TFAP2D: variants seen among roughly 807,000 people sequenced by gnomAD.
The protein encoded by TFAP2D is transcription factor AP-2 delta, also known as transcription factor AP-2-delta.
In TFAP2D, 9 loss-of-function variants were observed where a neutral mutation model predicts 43.6. That is an observed-to-expected ratio of 0.21 (90% CI 0.12 to 0.36). The LOEUF (loss-of-function observed/expected upper bound fraction) is 0.36, where lower values mean the gene tolerates loss of function less well. Ranked by LOEUF, TFAP2D falls within the 10% of genes least tolerant of loss-of-function variation. TFAP2D has a pLI of 1.00. For synonymous variants in TFAP2D, 256 were observed against 224.9 expected (o/e 1.14, Z -1.24); for missense variants, 513 against 561.4 (o/e 0.91, Z 0.87).
chr6:50,740,423 T>TTTTG lies in TFAP2D; in HGVS notation c.884-4660_884-4657dup, dbSNP rs534285386. On this transcript the variant is annotated intron_variant, in intron 5 of 7. Coordinates refer to ENST00000008391, the MANE Select transcript of TFAP2D (RefSeq NM_172238.4). ...AAATACCATAATTTTAAAGAAAGAATTTTGTTTGTTTGTTTGTTTGTTTGT... is the reference window on the plus strand; with the variant it reads ...AAATACCATAATTTTAAAGAAAGAATTTTGTTTGTTTGTTTGTTTGTTTGTTTGT... Among the ~76,000 whole-genome samples, 1,283 of 152,036 alleles carry TTTTG rather than the reference T, an allele frequency of 8.4e-3. 20 individuals carry two copies. The highest frequency in any genetic ancestry group is 0.021 in the African/African-American group (863 of 41,488).
At chr6:50,728,453 C>T (rs1009135559) in intron 3 of TFAP2D, among the ~76,000 whole-genome samples, 1 of 152,170 alleles carries the variant, frequency 6.6e-6, no homozygotes, top group Non-Finnish European at 1.5e-5. Flanking sequence ...CCATTGTGTA[C>T]ATTGTGCATC....
At chr6:50,734,481 A>G (rs1768936011) in intron 5 of TFAP2D, among the ~76,000 whole-genome samples, 1 of 152,042 alleles carries the variant, frequency 6.6e-6, no homozygotes, top group Non-Finnish European at 1.5e-5. Flanking sequence ...GTGAATGTTC[A>G]TTATCAGGGA....
chr6:50,767,610 A>C (rs1041311023), intron 7 of TFAP2D, among the ~76,000 whole-genome samples: 5 of 152,154 alleles, frequency 3.3e-5, no homozygotes, highest in Non-Finnish European at 5.9e-5. Context: ...CCTGTTTTTC[A>C]GGCATGAGGA....
chr6:50,736,525 C>T (rs757196202), intron 5 of TFAP2D, among the ~76,000 whole-genome samples: 27 of 152,062 alleles, frequency 1.8e-4, no homozygotes, highest in Non-Finnish European at 2.6e-4. Context: ...TTCAATGAAC[C>T]TAAAATAGTA....
intron 7 of TFAP2D, among the ~76,000 whole-genome samples, chr6:50,762,410 G>A (rs1333871426): frequency 6.6e-6 from 1 of 151,732 alleles, no homozygotes; most frequent in Non-Finnish European, 1.5e-5. Flanking sequence ...ACACACACGA[G>A]TGCAAAATCT....
chr6:50,737,765 T>C (rs1257332055), intron 5 of TFAP2D, among the ~76,000 whole-genome samples: 2 of 152,174 alleles, frequency 1.3e-5, no homozygotes, highest in Non-Finnish European at 2.9e-5. Flanking sequence ...AAAGTCGTGG[T>C]ATTTCACTGA....
chr6:50,720,375 CA>C lies in TFAP2D; in HGVS notation c.598+1228del, dbSNP rs759791733. On this transcript the variant is annotated intron_variant, in intron 3 of 7. Coordinates refer to ENST00000008391, the MANE Select transcript of TFAP2D (RefSeq NM_172238.4). ...CATTTAAACTGAGGAGGAAAGAAAA[CA>C]AAGGGTGCTTTCCTTTTGGAACTTG... Among the ~76,000 whole-genome samples the C allele has an allele frequency of 3.8e-3, 574 of 152,106 alleles. 3 individuals carry two copies. The highest frequency in any genetic ancestry group is 6.5e-3 in the Non-Finnish European group (442 of 67,978).
chr6:50,754,273 G>A (rs1769235928), intron 7 of TFAP2D, among the ~76,000 whole-genome samples: 1 of 151,784 alleles, frequency 6.6e-6, no homozygotes, highest in Non-Finnish European at 1.5e-5. Flanking sequence ...TGTCTTCCAT[G>A]TTCATCCATG....
intron 2 of TFAP2D, 98 bp from the exon 3 acceptor site, chr6:50,718,992 A>T (rs1315291203): frequency 8.7e-7 from 1 of 1,155,200 alleles, no homozygotes; most frequent in Non-Finnish European, 1.2e-6. Context: ...GTCTACTGAA[A>T]CAGAGTTCAG....
intron 7 of TFAP2D, among the ~76,000 whole-genome samples, chr6:50,766,601 T>A (rs1769444684): frequency 6.6e-6 from 1 of 151,360 alleles, no homozygotes; most frequent in Non-Finnish European, 1.5e-5. Flanking sequence ...TATTCCTAAG[T>A]ATTTTATTCT....
chr6:50,735,270 T>C (rs1460654407), intron 5 of TFAP2D, among the ~76,000 whole-genome samples: 1 of 152,116 alleles, frequency 6.6e-6, no homozygotes, highest in African/African-American at 2.4e-5. Context: ...ATATTTTCCA[T>C]TTGGATTTGT....
At chr6:50,763,482 A>G (rs540284750) in intron 7 of TFAP2D, among the ~76,000 whole-genome samples, 1 of 152,208 alleles carries the variant, frequency 6.6e-6, no homozygotes, top group East Asian at 1.9e-4. Context: ...GAAATCCTGC[A>G]CTCAATTATA....
At chr6:50,738,370 C>T (rs1037473134) in intron 5 of TFAP2D, among the ~76,000 whole-genome samples, 2 of 151,970 alleles carry the variant, frequency 1.3e-5, no homozygotes, top group Admixed American at 6.6e-5. Context: ...GAGGTCTTTG[C>T]ATGCAGAACT....
intron 7 of TFAP2D, among the ~76,000 whole-genome samples, chr6:50,760,816 A>C (rs1769352249): frequency 6.6e-6 from 1 of 151,832 alleles, no homozygotes; most frequent in South Asian, 2.1e-4. Flanking sequence ...TTAGAGATAA[A>C]GTGTCTAATA....
At chr6:50,716,105 A>T (rs910161354) in intron 2 of TFAP2D, among the ~76,000 whole-genome samples, 3 of 152,114 alleles carry the variant, frequency 2.0e-5, no homozygotes, top group African/African-American at 7.2e-5. Flanking sequence ...GCTTGTGGAG[A>T]TCTTACTACA....
intron 7 of TFAP2D, among the ~76,000 whole-genome samples, chr6:50,771,361 T>C (rs6932224): frequency 0.27 from 40,972 of 152,094 alleles, 5,873 homozygotes; most frequent in East Asian, 0.41. Context: ...TGTTACATTG[T>C]GGGTAGGTTA....
rs1284726358 is a variant in TFAP2D at position 50,715,505 on chromosome 6, T to A, written c.429T>A (p.His143Gln). The A allele has an allele frequency of 8.7e-6, 14 of 1,613,398 alleles. No individual in the cohort carries two copies. The highest frequency in any genetic ancestry group is 1.2e-5 in the Non-Finnish European group (14 of 1,180,038). ...ELGCLDAYRRHDLSLMSHGSQ... is the reference protein window; with the variant it reads ...ELGCLDAYRRQDLSLMSHGSQ... Reference sequence around the variant, plus strand: ...GCTGCCTCGATGCCTACCGCCGCCATGACCTGTCCCTCATGAGCCATGGCT... The same window carrying A: ...GCTGCCTCGATGCCTACCGCCGCCAAGACCTGTCCCTCATGAGCCATGGCT... Residue 143 changes from histidine (H) to glutamine (Q), a missense_variant, in exon 2 of 8, where the codon CAT (histidine) becomes CAA (glutamine). By Grantham distance (24) the His-to-Gln change is conservative. Coordinates refer to ENST00000008391, the MANE Select transcript of TFAP2D (RefSeq NM_172238.4).
At chr6:50,723,842 C>A (rs1324194495) in intron 3 of TFAP2D, among the ~76,000 whole-genome samples, 3 of 152,116 alleles carry the variant, frequency 2.0e-5, no homozygotes, top group African/African-American at 7.2e-5. Context: ...CCCCGCCATA[C>A]ACACACCCTA....
intron 5 of TFAP2D, among the ~76,000 whole-genome samples, chr6:50,732,449 T>A (rs1222412039): frequency 1.3e-5 from 2 of 152,058 alleles, no homozygotes; most frequent in African/African-American, 2.4e-5. Flanking sequence ...GGTTCAATCA[T>A]ACCCCCACAT....
Sources: allele counts gnomAD v4.1 joint callset (sites outside exome capture counted in the v4.1 genomes callset), GRCh38; gene constraint gnomAD v4.1.1; transcripts MANE v1.5; gene names NCBI Gene and HGNC (gene_info 2026-07-23, HGNC 2026-07-21).